HSF5: variants seen among roughly 807,000 people sequenced by gnomAD.
HSF5 encodes heat shock factor protein 5.
A neutral mutation model predicts 50.8 loss-of-function variants in HSF5; 5 were observed. That is an observed-to-expected ratio of 0.10 (90% CI 0.05 to 0.21). The LOEUF is 0.21. HSF5 is among the 10% of genes least tolerant of loss of function. The pLI is 1.00. For missense variants in HSF5, 564 were observed against 762.6 expected (o/e 0.74, Z 3.07); for synonymous variants, 307 against 307.4 (o/e 1.00, Z 0.02).
intron 1 of HSF5, among the ~76,000 whole-genome samples, chr17:58,482,594 T>G (rs1241612797): frequency 6.7e-6 from 1 of 149,926 alleles, no homozygotes; most frequent in Non-Finnish European, 1.5e-5. Context: ...CTTGTAGTCC[T>G]AGCTACTCAG....
At chr17:58,450,142 C>T (rs1196074530) in intron 5 of HSF5, among the ~76,000 whole-genome samples, 1 of 151,166 alleles carries the variant, frequency 6.6e-6, no homozygotes, top group Non-Finnish European at 1.5e-5. Context: ...TTGAGACTGG[C>T]CTGGCCAACA....
At chr17:58,434,663 G>A (rs1460763559) in intron 5 of HSF5, among the ~76,000 whole-genome samples, 1 of 152,006 alleles carries the variant, frequency 6.6e-6, no homozygotes, top group Non-Finnish European at 1.5e-5. Flanking sequence ...AAGACAACCT[G>A]GGCAACATGG....
chr17:58,453,632 C>A (rs1282970918), intron 5 of HSF5, among the ~76,000 whole-genome samples: 1 of 151,664 alleles, frequency 6.6e-6, no homozygotes, highest in Non-Finnish European at 1.5e-5. Context: ...ACAACAACAA[C>A]AAATTAAAAA....
At chr17:58,479,355 T>A (rs1216649489) in intron 2 of HSF5, among the ~76,000 whole-genome samples, 1 of 152,184 alleles carries the variant, frequency 6.6e-6, no homozygotes, top group East Asian at 1.9e-4. Flanking sequence ...CAGGATGGAA[T>A]GCTGTGGAGT....
At chr17:58,481,457 T>C (rs1975097317) in intron 1 of HSF5, among the ~76,000 whole-genome samples, 2 of 152,188 alleles carry the variant, frequency 1.3e-5, no homozygotes, top group African/African-American at 2.4e-5. Flanking sequence ...TTCTTGAACA[T>C]AAACAAAGCT....
rs191772622 is a variant in HSF5 at position 58,477,520 on chromosome 17, C to T, written c.925+2373G>A. 4.6e-3 allele frequency among the ~76,000 whole-genome samples: 687 copies of T among 149,688 alleles called. 3 individuals are homozygous for T. The highest frequency in any genetic ancestry group is 0.016 in the African/African-American group (651 of 40,560). ...TGTCGCCCAGGCTGGAGTGCAGTGG[C>T]GCGATCTCGGCTCACTGCAAGTTCC... is the stretch of plus-strand genomic sequence containing the variant. On this transcript the variant is annotated intron_variant, in intron 2 of 5. Transcript: ENST00000323777.
chr17:58,437,082 A>T (rs534808396), intron 5 of HSF5, among the ~76,000 whole-genome samples: 2 of 152,328 alleles, frequency 1.3e-5, no homozygotes, highest in African/African-American at 4.8e-5. Context: ...AGGGAGGAAG[A>T]GGTCAAAGAA....
intron 1 of HSF5, among the ~76,000 whole-genome samples, chr17:58,481,914 C>T (rs994223543): frequency 8.5e-5 from 13 of 152,130 alleles, no homozygotes; most frequent in African/African-American, 2.9e-4. Context: ...GCAGGAGAAT[C>T]GCTTGAACCC....
intron 2 of HSF5, among the ~76,000 whole-genome samples, chr17:58,473,455 T>G (rs1598199723): frequency 6.6e-6 from 1 of 152,134 alleles, no homozygotes; most frequent in East Asian, 1.9e-4. Context: ...TAGTGGAGAA[T>G]AAGTAAAATT....
intron 5 of HSF5, among the ~76,000 whole-genome samples, chr17:58,456,499 A>G (rs896435239): frequency 5.9e-5 from 9 of 152,156 alleles, no homozygotes; most frequent in Non-Finnish European, 1.0e-4. Flanking sequence ...ACACAGTAGC[A>G]TAATTGTAGC....
chr17:58,436,840 T>TAACAAC (rs890599740), intron 5 of HSF5, among the ~76,000 whole-genome samples: 1 of 150,076 alleles, frequency 6.7e-6, no homozygotes, highest in African/African-American at 2.5e-5. Flanking sequence ...AAACCAACCA[T>TAACAAC]AACAACAACA....
chr17:58,473,443 T>C (rs2531734), intron 2 of HSF5, among the ~76,000 whole-genome samples: 54,795 of 151,952 alleles, frequency 0.36, 10,250 homozygotes, highest in East Asian at 0.51. Flanking sequence ...TGTTCAAATA[T>C]ATAGTGGAGA....
At position 58,463,320 on chromosome 17, in the gene HSF5, T is replaced by C; in HGVS notation, c.1021-17A>G. The C allele has an allele frequency of 5.7e-6, 9 of 1,592,404 alleles. No homozygotes were observed. Among genetic ancestry groups the C allele is most frequent in the Admixed American group, 1.7e-5 (1 of 57,868 alleles). ...TGAAGGATTCTGGGAAAAGAAAAAATATAACTGTTTGGATAGAAAATAAAA... is the reference window on the plus strand; with the variant it reads ...TGAAGGATTCTGGGAAAAGAAAAAACATAACTGTTTGGATAGAAAATAAAA... On this transcript the variant is annotated splice_polypyrimidine_tract_variant and intron_variant, in intron 3 of 5. Coordinates refer to ENST00000323777, the MANE Select transcript of HSF5 (RefSeq NM_001080439.3).
chr17:58,450,401 T>A (rs1338466359), intron 5 of HSF5, among the ~76,000 whole-genome samples: 3 of 138,598 alleles, frequency 2.2e-5, no homozygotes, highest in African/African-American at 8.1e-5. Context: ...TGGAGAAGAA[T>A]GTTCCATCTT....
At chr17:58,460,523 T>C (rs1974779601) in intron 4 of HSF5, among the ~76,000 whole-genome samples, 1 of 151,080 alleles carries the variant, frequency 6.6e-6, no homozygotes, top group Non-Finnish European at 1.5e-5. Context: ...ACTTTTTTTT[T>C]TTTTGAGACG....
intron 2 of HSF5, among the ~76,000 whole-genome samples, chr17:58,478,181 C>A (rs564617421): frequency 6.6e-6 from 1 of 151,770 alleles, no homozygotes; most frequent in Admixed American, 6.6e-5. Flanking sequence ...CGCCTGTAAT[C>A]CCAGCACTTT....
chr17:58,478,219 G>A (rs1343296069), intron 2 of HSF5, among the ~76,000 whole-genome samples: 1 of 150,748 alleles, frequency 6.6e-6, no homozygotes, highest in Non-Finnish European at 1.5e-5. Context: ...GGATCACGAG[G>A]TCAGGAGTTT....
intron 3 of HSF5, among the ~76,000 whole-genome samples, chr17:58,464,718 C>T (rs1974838281): frequency 6.6e-6 from 1 of 152,136 alleles, no homozygotes; most frequent in Non-Finnish European, 1.5e-5. Flanking sequence ...CTGCAGCCTC[C>T]ACCTCCCAGG....
chr17:58,456,086 C>T (rs940161570), intron 5 of HSF5, among the ~76,000 whole-genome samples: 16 of 151,378 alleles, frequency 1.1e-4, no homozygotes, highest in Non-Finnish European at 1.9e-4. Flanking sequence ...AACCTAAATA[C>T]GCATCTACAG....
Sources: allele counts gnomAD v4.1 joint callset (sites outside exome capture counted in the v4.1 genomes callset), GRCh38; gene constraint gnomAD v4.1.1; transcripts MANE v1.5; gene names NCBI Gene and HGNC (gene_info 2026-07-23, HGNC 2026-07-21).